The following FGF1 variants were observed in gnomAD, a reference collection of about 807,000 sequenced individuals.
FGF1 encodes beta-endothelial cell growth factor.
In FGF1, 9 loss-of-function variants were observed where a neutral mutation model predicts 13.4. The observed-to-expected ratio is 0.67, with a 90% CI of 0.40 to 1.17. FGF1 has a LOEUF of 1.17. Ranked by LOEUF, FGF1 falls within the 50% of genes most tolerant of loss-of-function variation. The probability of loss-of-function intolerance (pLI) is 0.01; values close to 1 mark genes in which losing one functional copy is unlikely to be tolerated. For missense variants in FGF1, 156 were observed against 192.7 expected, an observed-to-expected ratio of 0.81 and a Z score of 1.13; for synonymous variants, 93 against 79.0, an observed-to-expected ratio of 1.18 and a Z score of -0.94.
At chr5:142,669,822 G>A (rs915386798) in intron 1 of FGF1, among the ~76,000 whole-genome samples, 2 of 152,172 alleles carry the variant, frequency 1.3e-5, no homozygotes, top group African/African-American at 4.8e-5. Flanking sequence ...CCTGAAGAGC[G>A]AAGCAGACAG....
chr5:142,623,905 T>G (rs1762050118), intron 1 of FGF1, among the ~76,000 whole-genome samples: 1 of 151,900 alleles, frequency 6.6e-6, no homozygotes, highest in Non-Finnish European at 1.5e-5. Flanking sequence ...TAGGCCACCA[T>G]GCCTGGTTAA....
In FGF1 at chr5:142,675,528, G is replaced by C. The variant is rs1303598861; in HGVS notation, c.-35+10429C>G. Among the ~76,000 whole-genome samples the C allele has an allele frequency of 2.0e-5, 3 of 152,198 alleles. No homozygotes were observed. The East Asian group carries it at 5.8e-4, about 29-fold the overall frequency. On this transcript the variant is annotated intron_variant, in intron 1 of 3. Transcript: ENST00000337706. ...TTTCCATATCCACAGCTATGAGGCA[G>C]TCAGGAGGACCACAAAAGAAGGGGA...
chr5:142,600,216 G>A (rs1189117461), intron 3 of FGF1, among the ~76,000 whole-genome samples: 4 of 152,104 alleles, frequency 2.6e-5, no homozygotes, highest in Admixed American at 2.6e-4. Context: ...AAAAACATTA[G>A]CTGGGCATGG....
At chr5:142,595,568 G>A in intron 3 of FGF1, 84 bp from the exon 4 acceptor site, 1 of 1,153,242 alleles carries the variant, frequency 8.7e-7, no homozygotes, top group South Asian at 1.5e-5. Flanking sequence ...GTGTGACATT[G>A]GGCAAAATAC....
chr5:142,695,043 A>G (rs1752883918), intron 2 of FGF1, among the ~76,000 whole-genome samples: 1 of 152,204 alleles, frequency 6.6e-6, no homozygotes, highest in South Asian at 2.1e-4. Context: ...GATTAGTGGA[A>G]TAGGAAATGA....
At chr5:142,686,848 A>G (rs1751326991), upstream of FGF1, among the ~76,000 whole-genome samples, 1 of 152,124 alleles carries the variant, frequency 6.6e-6, no homozygotes. Context: ...GATGAGGTGA[A>G]TCCTCAGGTG....
intron 1 of FGF1, among the ~76,000 whole-genome samples, chr5:142,623,816 C>T (rs1251237872): frequency 6.6e-6 from 1 of 150,510 alleles, no homozygotes; most frequent in Non-Finnish European, 1.5e-5. Context: ...AGTGTACACT[C>T]ATGCTCACTG....
chr5:142,678,189 C>A (rs1389594783), intron 1 of FGF1, among the ~76,000 whole-genome samples: 3 of 152,132 alleles, frequency 2.0e-5, no homozygotes, highest in Non-Finnish European at 4.4e-5. Context: ...ACTTTCTCAC[C>A]TTCCTGAAAA....
At chr5:142,621,782 T>A (rs78721363) in intron 1 of FGF1, among the ~76,000 whole-genome samples, 1 of 152,214 alleles carries the variant, frequency 6.6e-6, no homozygotes, top group East Asian at 1.9e-4. Context: ...CCTCCAAACT[T>A]GCCTTCCATT....
intron 1 of FGF1, among the ~76,000 whole-genome samples, chr5:142,646,208 CTTTTTT>C (rs762008952): frequency 0.017 from 930 of 54,938 alleles, 5 homozygotes; most frequent in Non-Finnish European, 0.025. Flanking sequence ...CGCACCTGGC[CTTTTTT>C]TTTTTTTTTT....
intron 1 of FGF1, among the ~76,000 whole-genome samples, chr5:142,642,657 G>C (rs940307009): frequency 6.6e-6 from 1 of 152,236 alleles, no homozygotes; most frequent in African/African-American, 2.4e-5. Context: ...GTGCTGGCTT[G>C]AGCCACGTGG....
At chr5:142,598,408 T>C (rs1361268368) in intron 3 of FGF1, among the ~76,000 whole-genome samples, 1 of 152,238 alleles carries the variant, frequency 6.6e-6, no homozygotes, top group Non-Finnish European at 1.5e-5. Context: ...GGCTTAACTA[T>C]TGATTCATGT....
chr5:142,664,561 A>G (rs1769927167), intron 1 of FGF1, among the ~76,000 whole-genome samples: 1 of 152,230 alleles, frequency 6.6e-6, no homozygotes, highest in Non-Finnish European at 1.5e-5. Context: ...GCCGTGCAAC[A>G]TTCTTTTTCT....
chr5:142,664,449 T>G (rs1769903799), intron 1 of FGF1, among the ~76,000 whole-genome samples: 1 of 152,204 alleles, frequency 6.6e-6, no homozygotes, highest in African/African-American at 2.4e-5. Context: ...TTGGGACGAA[T>G]TAGATCGTGG....
chr5:142,676,306 G>A (rs572592840), intron 1 of FGF1, among the ~76,000 whole-genome samples: 14 of 152,264 alleles, frequency 9.2e-5, no homozygotes, highest in South Asian at 4.1e-4. Flanking sequence ...TGTGCATTGC[G>A]TGCTAAAACA....
chr5:142,615,133 C>G (rs976430266), intron 1 of FGF1, among the ~76,000 whole-genome samples: 7 of 152,014 alleles, frequency 4.6e-5, no homozygotes, highest in African/African-American at 1.4e-4. Flanking sequence ...ATACTTGCCC[C>G]ACCATTTAGG....
chr5:142,644,312 T>A (rs1330187448), intron 1 of FGF1: 1 of 152,218 alleles, frequency 6.6e-6, no homozygotes, highest in East Asian at 1.9e-4. Flanking sequence ...GACAGCCTTC[T>A]CCTCCACACC....
upstream of FGF1, among the ~76,000 whole-genome samples, chr5:142,689,576 A>AT (rs1308533451): frequency 6.6e-6 from 1 of 151,878 alleles, no homozygotes; most frequent in East Asian, 1.9e-4. Flanking sequence ...GGTTAGCCTG[A>AT]TTCTTCAGCA....
chr5:142,643,356 C>G (rs1015619157), intron 1 of FGF1, among the ~76,000 whole-genome samples: 2 of 152,090 alleles, frequency 1.3e-5, no homozygotes, highest in Non-Finnish European at 2.9e-5. Context: ...TGGGTGCTAA[C>G]AGTAAAGATG....
Sources: gnomAD v4.1 joint callset for allele counts (sites outside exome capture counted in the v4.1 genomes callset) on GRCh38, gnomAD v4.1.1 for gene constraint, MANE v1.5 for transcripts, NCBI Gene and HGNC (gene_info 2026-07-23, HGNC 2026-07-21) for gene names.